The following GPBP1 variants were observed in gnomAD, a reference collection of about 807,000 sequenced individuals.
GPBP1 encodes the protein GC-rich promoter binding protein 1, also known as vasculin.
In GPBP1, 13 loss-of-function variants were observed where a neutral mutation model predicts 56.5. The observed-to-expected ratio is 0.23, with a 90% CI of 0.15 to 0.37. The LOEUF is 0.37. Among genes scored for constraint, GPBP1 ranks in the 10% least tolerant of loss-of-function variants. The pLI is 1.00. For synonymous variants in GPBP1, 204 were observed against 188.9 expected, an observed-to-expected ratio of 1.08 and a Z score of -0.66; for missense variants, 477 against 572.3, an observed-to-expected ratio of 0.83 and a Z score of 1.70.
At chr5:57,247,294 C>T in intron 8 of GPBP1, 79 bp downstream of exon 8, 11 of 1,123,726 alleles carry the variant, frequency 9.8e-6, no homozygotes, top group Non-Finnish European at 1.2e-5. Context: ...GGTAGAAATT[C>T]ATTAAATGAA....
At position 57,203,402 on chromosome 5, in the gene GPBP1, G is replaced by A. The variant is rs141908626; in HGVS notation, c.-57-10672G>A. 3.3e-4 allele frequency among the ~76,000 whole-genome samples: 50 copies of A among 152,240 alleles called. No individual in the cohort carries two copies. In the East Asian group the frequency reaches 6.8e-3, roughly 21 times the overall value. ...TATACTCCTCATACTTTGGGAGGCC[G>A]AGGCGGGCAGATCACTTGAGGGCAG... On this transcript the variant is annotated intron_variant, in intron 2 of 11. Coordinates refer to ENST00000506184, the MANE Select transcript of GPBP1 (RefSeq NM_022913.4).
chr5:57,247,262 G>T (rs1741137088), intron 8 of GPBP1, 47 bp downstream of exon 8: 1 of 1,482,780 alleles, frequency 6.7e-7, no homozygotes, highest in African/African-American at 1.4e-5. Context: ...TTTTAATTAT[G>T]ATAGTTTAAC....
intron 2 of GPBP1, among the ~76,000 whole-genome samples, chr5:57,192,210 C>G (rs1389539327): frequency 6.6e-6 from 1 of 152,170 alleles, no homozygotes; most frequent in Non-Finnish European, 1.5e-5. Flanking sequence ...GAAAAATGCA[C>G]TTACCTGAGC....
At chr5:57,184,003 T>C (rs1479368294) in intron 2 of GPBP1, among the ~76,000 whole-genome samples, 2 of 152,042 alleles carry the variant, frequency 1.3e-5, no homozygotes, top group African/African-American at 4.8e-5. Context: ...AGGCTGAGGC[T>C]GGTGGATCGC....
intron 3 of GPBP1, among the ~76,000 whole-genome samples, chr5:57,218,648 A>G (rs1482053035): frequency 6.6e-6 from 1 of 152,162 alleles, no homozygotes; most frequent in African/African-American, 2.4e-5. Flanking sequence ...CTAAGTGACT[A>G]TTAACATAAA....
At chr5:57,208,327 G>A (rs1261340247) in intron 2 of GPBP1, among the ~76,000 whole-genome samples, 1 of 151,974 alleles carries the variant, frequency 6.6e-6, no homozygotes, top group South Asian at 2.1e-4. Flanking sequence ...TCCACTTCCC[G>A]GGCTCAAGCA....
chr5:57,207,435 C>T (rs542562238), intron 2 of GPBP1, among the ~76,000 whole-genome samples: 1 of 152,066 alleles, frequency 6.6e-6, no homozygotes, highest in African/African-American at 2.4e-5. Context: ...GCTCAAATCT[C>T]TAGGGAGAGC....
chr5:57,253,355 A>G (rs1468999510), intron 10 of GPBP1, among the ~76,000 whole-genome samples: 1 of 152,222 alleles, frequency 6.6e-6, no homozygotes, highest in Non-Finnish European at 1.5e-5. Context: ...TCTAAGAGCA[A>G]GCTTAGGGCT....
Position 57,176,262 on chromosome 5 carries a change from C to T in GPBP1, c.-196C>T, listed in dbSNP as rs898080346. ...TATGGGTAGCTGACTTGAAGTAACTCTATGTCAAATAGTCGTAGGTTAAGT... is the reference window on the plus strand; with the variant it reads ...TATGGGTAGCTGACTTGAAGTAACTTTATGTCAAATAGTCGTAGGTTAAGT... On this transcript the variant is annotated 5_prime_UTR_variant, in exon 2 of 12. Coordinates refer to ENST00000506184, the MANE Select transcript of GPBP1 (RefSeq NM_022913.4). 1 of 365,848 alleles carries T rather than the reference C, an allele frequency of 2.7e-6. No homozygotes were observed. The highest frequency in any genetic ancestry group is 2.1e-5 in the African/African-American group (1 of 48,006). 22.7% of individuals were successfully genotyped at this position (365,848 alleles called of 1,614,324 possible). A position where few individuals can be genotyped will look rare whatever the true frequency, so the allele number is the denominator to read the frequency against.
intron 6 of GPBP1, chr5:57,245,803 C>A (rs1442251134): frequency 6.6e-6 from 1 of 152,134 alleles, no homozygotes; most frequent in Non-Finnish European, 1.5e-5. Context: ...AAATAGAATT[C>A]TCAGTCATAA....
At chr5:57,214,572 C>T (rs1344940458) in intron 3 of GPBP1, among the ~76,000 whole-genome samples, 2 of 152,016 alleles carry the variant, frequency 1.3e-5, no homozygotes, top group East Asian at 1.9e-4. Flanking sequence ...GCAACAAGAG[C>T]GAAACTGTCT....
intron 1 of GPBP1, among the ~76,000 whole-genome samples, 155 bp downstream of exon 1, chr5:57,174,366 G>T (rs925919311): frequency 1.3e-5 from 2 of 152,124 alleles, no homozygotes; most frequent in Non-Finnish European, 2.9e-5. Flanking sequence ...GAGTGAGAGG[G>T]GGGAGAGGCG....
intron 3 of GPBP1, among the ~76,000 whole-genome samples, chr5:57,228,742 A>G (rs1387106397): frequency 6.6e-6 from 1 of 152,206 alleles, no homozygotes; most frequent in Non-Finnish European, 1.5e-5. Flanking sequence ...GGGGCATAAT[A>G]CAAAAAAATT....
At chr5:57,220,346 T>G (rs1306532871) in intron 3 of GPBP1, among the ~76,000 whole-genome samples, 1 of 152,084 alleles carries the variant, frequency 6.6e-6, no homozygotes, top group East Asian at 1.9e-4. Flanking sequence ...CTTGATTAAT[T>G]TATATAGGCC....
intron 2 of GPBP1, among the ~76,000 whole-genome samples, chr5:57,188,385 A>G (rs372778673): frequency 6.6e-6 from 1 of 152,184 alleles, no homozygotes; most frequent in Non-Finnish European, 1.5e-5. Context: ...TCTTCTCTCC[A>G]TATTCCAGGC....
At chr5:57,247,508 GT>G (rs1389762053) in intron 8 of GPBP1, among the ~76,000 whole-genome samples, 5 of 151,986 alleles carry the variant, frequency 3.3e-5, no homozygotes, top group Non-Finnish European at 7.4e-5. Flanking sequence ...CGGCAATATG[GT>G]GAAACCCTGT....
intron 3 of GPBP1, among the ~76,000 whole-genome samples, chr5:57,217,161 G>C (rs1755732036): frequency 6.6e-6 from 1 of 152,078 alleles, no homozygotes; most frequent in Admixed American, 6.6e-5. Context: ...AGTCTGCAAA[G>C]TGGAAAATAG....
intron 2 of GPBP1, among the ~76,000 whole-genome samples, chr5:57,196,957 T>G (rs1754791677): frequency 6.6e-6 from 1 of 151,986 alleles, no homozygotes; most frequent in South Asian, 2.1e-4. Context: ...AATTTTTTTA[T>G]TTTTAGTAGA....
chr5:57,209,842 TTGTA>T (rs780421002), intron 2 of GPBP1, among the ~76,000 whole-genome samples: 1 of 152,180 alleles, frequency 6.6e-6, no homozygotes, highest in Non-Finnish European at 1.5e-5. Context: ...AAATACTACT[TTGTA>T]TGGTGTTTAA....
Sources: gnomAD v4.1 joint callset for allele counts (sites outside exome capture counted in the v4.1 genomes callset) on GRCh38, gnomAD v4.1.1 for gene constraint, MANE v1.5 for transcripts, NCBI Gene and HGNC (gene_info 2026-07-23, HGNC 2026-07-21) for gene names.